The following FAM13A variants were observed in gnomAD, a reference collection of about 807,000 sequenced individuals.
The protein encoded by FAM13A is protein FAM13A.
In FAM13A, 76 loss-of-function variants were observed where a neutral mutation model predicts 129.6. The observed-to-expected ratio is 0.59, with a 90% CI of 0.49 to 0.71. The LOEUF is 0.71. Ranked by LOEUF, FAM13A falls within the 30% of genes least tolerant of loss-of-function variation. The pLI, the probability that FAM13A is intolerant of heterozygous loss-of-function variation, is 0.00. For synonymous variants in FAM13A, 443 were observed against 449.9 expected (o/e 0.98, Z 0.20); for missense variants, 1,108 against 1,249.3 (o/e 0.89, Z 1.70).
At chr4:88,858,665 T>C (rs550885241) in intron 6 of FAM13A, among the ~76,000 whole-genome samples, 9 of 152,284 alleles carry the variant, frequency 5.9e-5, no homozygotes, top group East Asian at 1.9e-4. Flanking sequence ...TATAATTCCA[T>C]TGGCAGGAAA....
intron 3 of FAM13A, among the ~76,000 whole-genome samples, chr4:89,004,148 C>CT (rs1764670578): frequency 6.6e-6 from 1 of 151,992 alleles, no homozygotes; most frequent in Non-Finnish European, 1.5e-5. Context: ...TTTTTCTTTT[C>CT]TTTTTTGTAA....
chr4:89,012,604 A>G lies in FAM13A; in HGVS notation c.427+7856T>C, dbSNP rs143158043. On this transcript the variant is annotated intron_variant, in intron 3 of 23. Coordinates refer to ENST00000264344, the MANE Select transcript of FAM13A (RefSeq NM_014883.4). The stretch of plus-strand genomic sequence containing the variant: ...CCAAAGTGTATAATTTGTTATAGAA[A>G]TGAATGAATTTAAACAGTTTTCTCC... Among the ~76,000 whole-genome samples, 3 of 152,344 alleles carry G rather than the reference A, an allele frequency of 2.0e-5. No homozygotes were observed. The East Asian group carries it at 5.8e-4, about 29-fold the overall frequency.
At chr4:88,763,808 TA>T (rs1745245032) in intron 13 of FAM13A, among the ~76,000 whole-genome samples, 1 of 152,192 alleles carries the variant, frequency 6.6e-6, no homozygotes, top group Non-Finnish European at 1.5e-5. Flanking sequence ...CAGAGAACCA[TA>T]AACATTTTTT....
chr4:88,783,973 G>A (rs1196519003), intron 10 of FAM13A, among the ~76,000 whole-genome samples: 1 of 152,010 alleles, frequency 6.6e-6, no homozygotes, highest in Non-Finnish European at 1.5e-5. Context: ...CCCAGTCGGT[G>A]GTATTTTGTT....
At chr4:88,905,522 C>T (rs142678651) in intron 6 of FAM13A, among the ~76,000 whole-genome samples, 398 of 152,168 alleles carry the variant, frequency 2.6e-3, no homozygotes, top group Non-Finnish European at 3.4e-3. Context: ...GCCCAGTACC[C>T]GATACTTATC....
At chr4:88,835,687 G>A (rs114939939) in intron 7 of FAM13A, among the ~76,000 whole-genome samples, 14 of 152,032 alleles carry the variant, frequency 9.2e-5, no homozygotes, top group South Asian at 2.1e-4. Context: ...CACAAGGAAC[G>A]TGCAACCTAG....
In FAM13A at chr4:88,991,167, T is replaced by C. The variant is rs1238925480; in HGVS notation, c.428-17A>G. 1 of 1,595,692 alleles carries C rather than the reference T, an allele frequency of 6.3e-7. No homozygotes were observed. The highest frequency in any genetic ancestry group is 1.1e-5 in the South Asian group (1 of 89,636). ...TTCTGCCATCTGGAAAAAAAAAGAATAAAAATGTTCTAAGGTATATTTCAC... is the reference window on the plus strand; with the variant it reads ...TTCTGCCATCTGGAAAAAAAAAGAACAAAAATGTTCTAAGGTATATTTCAC... On this transcript the variant is annotated splice_polypyrimidine_tract_variant and intron_variant, in intron 3 of 23. Transcript: ENST00000264344.
chr4:88,875,190 A>G (rs576018485), intron 6 of FAM13A, among the ~76,000 whole-genome samples: 1 of 152,354 alleles, frequency 6.6e-6, no homozygotes, highest in Non-Finnish European at 1.5e-5. Flanking sequence ...TAAAAACCCT[A>G]GAAGAAAACC....
At chr4:88,888,719 A>G (rs1406566685) in intron 6 of FAM13A, among the ~76,000 whole-genome samples, 3 of 151,558 alleles carry the variant, frequency 2.0e-5, no homozygotes, top group African/African-American at 4.8e-5. Flanking sequence ...GGGTCAGGAG[A>G]TCGAGACCAT....
At chr4:88,756,573 G>C (rs1224777657) in intron 14 of FAM13A, among the ~76,000 whole-genome samples, 1 of 152,170 alleles carries the variant, frequency 6.6e-6, no homozygotes, top group Non-Finnish European at 1.5e-5. Flanking sequence ...GGGGCTTGTA[G>C]GTGGATACTG....
intron 4 of FAM13A, among the ~76,000 whole-genome samples, chr4:88,976,517 C>G (rs1225300569): frequency 6.6e-6 from 1 of 152,026 alleles, no homozygotes; most frequent in African/African-American, 2.4e-5. Context: ...AGTCATGTGC[C>G]ACATGACATT....
Position 88,848,249 on chromosome 4 carries a change from A to G in FAM13A, c.1007+2771T>C, listed in dbSNP as rs567823113. On this transcript the variant is annotated intron_variant, in intron 7 of 23. Transcript: ENST00000264344. The stretch of plus-strand genomic sequence containing the variant: ...CTAGCACTGTTTGTTCACATAAGCT[A>G]TAATGTGGAAAGTGTCCTTGTGGTT... Among the ~76,000 whole-genome samples the G allele has an allele frequency of 4.6e-5, 7 of 152,280 alleles. No individual in the cohort carries two copies. In the South Asian group the frequency reaches 1.0e-3, roughly 23 times the overall value.
chr4:89,032,869 C>T (rs774626436), intron 1 of FAM13A, among the ~76,000 whole-genome samples: 9 of 152,280 alleles, frequency 5.9e-5, no homozygotes, highest in Non-Finnish European at 1.2e-4. Context: ...GAATCAGATC[C>T]CTTCTCCGGG....
rs1249320052 is a variant in FAM13A, at chr4:88,760,329, G to GGAAAA, written c.1579-1429_1579-1428insTTTTC. Among the ~76,000 whole-genome samples, 2 of 94,156 alleles carry GGAAAA rather than the reference G, an allele frequency of 2.1e-5. 1 individual carries two copies. Among genetic ancestry groups the GGAAAA allele is most frequent in the Non-Finnish European group, 6.2e-5 (2 of 32,198 alleles). The allele number at this position is 94,156 out of a possible 152,430, so 61.8% of individuals were successfully genotyped here. A position where few individuals can be genotyped will look rare whatever the true frequency, so the allele number is the denominator to read the frequency against. ...TCTTATAGAAATGCCAAGTGGCCGG[G>GGAAAA]CGCGGTGGCTCACGCCTGTAATCCC... On this transcript the variant is annotated intron_variant, in intron 13 of 23. Coordinates refer to ENST00000264344, the MANE Select transcript of FAM13A (RefSeq NM_014883.4).
chr4:88,793,510 T>A (rs1169182607), intron 8 of FAM13A, among the ~76,000 whole-genome samples: 1 of 152,048 alleles, frequency 6.6e-6, no homozygotes, highest in African/African-American at 2.4e-5. Context: ...GTTCTTTTAA[T>A]AGAATTCCTA....
chr4:88,920,717 T>C (rs901180233), intron 5 of FAM13A, among the ~76,000 whole-genome samples: 13 of 152,046 alleles, frequency 8.6e-5, no homozygotes, highest in Non-Finnish European at 1.3e-4. Flanking sequence ...CTTTGACGAG[T>C]TGAGAGAAGA....
intron 6 of FAM13A, among the ~76,000 whole-genome samples, chr4:88,902,410 T>C (rs1747437045): frequency 1.3e-5 from 2 of 152,052 alleles, no homozygotes; most frequent in African/African-American, 2.4e-5. Flanking sequence ...ATATGCACCA[T>C]GATCAAGTCA....
intron 4 of FAM13A, among the ~76,000 whole-genome samples, chr4:88,982,662 A>G (rs908922404): frequency 2.6e-5 from 4 of 152,220 alleles, no homozygotes; most frequent in African/African-American, 9.6e-5. Flanking sequence ...AACTTACAGA[A>G]GCAATTCCTG....
At chr4:88,770,950 T>C (rs1237391267) in intron 11 of FAM13A, among the ~76,000 whole-genome samples, 2 of 152,186 alleles carry the variant, frequency 1.3e-5, no homozygotes, top group Non-Finnish European at 2.9e-5. Context: ...ATTTCCAATA[T>C]TGTTCAATAT....
Sources: allele counts gnomAD v4.1 joint callset (sites outside exome capture counted in the v4.1 genomes callset), GRCh38; gene constraint gnomAD v4.1.1; transcripts MANE v1.5; gene names NCBI Gene and HGNC (gene_info 2026-07-23, HGNC 2026-07-21).